Variants in UTS2R observed in about 807,000 individuals in gnomAD.
The protein encoded by UTS2R is urotensin 2 receptor.
For synonymous variants in UTS2R, 335 were observed against 280.9 expected (o/e 1.19, Z -1.93); for missense variants, 653 against 562.2 (o/e 1.16, Z -1.63).
Position 82,372,677 on chromosome 17 carries a change from C to T in UTS2R, c.-189C>T, listed in dbSNP as rs1269837322. Among the ~76,000 whole-genome samples, 2 of 152,340 alleles carry T rather than the reference C, an allele frequency of 1.3e-5. No individual in the cohort carries two copies. Among genetic ancestry groups the T allele is most frequent in the Middle Eastern group, 3.4e-3 (1 of 294 alleles). Reference sequence around the variant, plus strand: ...TGGCTTCATGTCACAGTTTGCCTGCCCCGTCCACTGGGGACATTTGAGCTG... The same window carrying T: ...TGGCTTCATGTCACAGTTTGCCTGCTCCGTCCACTGGGGACATTTGAGCTG... On this transcript the variant is annotated 5_prime_UTR_variant, in exon 2 of 3. Transcript: ENST00000313135.
rs1036259317 is a variant in UTS2R, at chr17:82,372,798, G to A, written c.-83+15G>A. 2.6e-5 allele frequency among the ~76,000 whole-genome samples: 4 copies of A among 152,214 alleles called. No individual in the cohort carries two copies. Among genetic ancestry groups the A allele is most frequent in the African/African-American group, 9.7e-5 (4 of 41,442 alleles). On this transcript the variant is annotated intron_variant, in intron 2 of 2. Transcript: ENST00000313135. ...CTTTATCTAAGGTACTAACCTGAGAGTAGAATTGCCGGGTGAGAAGGTATA... is the reference window on the plus strand; with the variant it reads ...CTTTATCTAAGGTACTAACCTGAGAATAGAATTGCCGGGTGAGAAGGTATA...
intron 1 of UTS2R, among the ~76,000 whole-genome samples, 27 bp from the exon 2 acceptor site, chr17:82,372,571 G>T (rs1165265634): frequency 6.6e-6 from 1 of 152,162 alleles, no homozygotes; most frequent in Non-Finnish European, 1.5e-5. Context: ...GTGGAATCAG[G>T]CAGCCTCCTG....
At chr17:82,373,059 G>C (rs1478248218) in intron 2 of UTS2R, among the ~76,000 whole-genome samples, 3 of 152,166 alleles carry the variant, frequency 2.0e-5, no homozygotes, top group African/African-American at 7.2e-5. Context: ...CCCGGTCACG[G>C]TTTTGGTCTC....
At chr17:82,374,026 G>T (rs1423640969) in intron 2 of UTS2R, among the ~76,000 whole-genome samples, 2 of 152,058 alleles carry the variant, frequency 1.3e-5, no homozygotes, top group Non-Finnish European at 2.9e-5. Context: ...TACAGTGAGG[G>T]GGGGGCAGGG....
intron 1 of UTS2R, among the ~76,000 whole-genome samples, chr17:82,372,312 G>A (rs544711069): frequency 6.6e-6 from 1 of 152,192 alleles, no homozygotes; most frequent in African/African-American, 2.4e-5. Context: ...GGAGCCCGGT[G>A]CACCCTCGGC....
rs368305257 is a variant in UTS2R at position 82,377,155 on chromosome 17, A to C, written c.*1661A>C. On this transcript the variant is annotated 3_prime_UTR_variant, in exon 3 of 3. Transcript: ENST00000313135. Reference sequence around the variant, plus strand: ...TTCTGCCTTGGGATCCTGTTGATCTATGACCTTACCCCCAACCCTGTGCTC... The same window carrying C: ...TTCTGCCTTGGGATCCTGTTGATCTCTGACCTTACCCCCAACCCTGTGCTC... Among the ~76,000 whole-genome samples the C allele has an allele frequency of 2.0e-5, 3 of 152,060 alleles. No homozygotes were observed. The highest frequency in any genetic ancestry group is 2.9e-5 in the Non-Finnish European group (2 of 68,018).
chr17:82,376,394 G>A lies in UTS2R; in HGVS notation c.*900G>A, dbSNP rs1325138726. Among the ~76,000 whole-genome samples, 7 of 60,314 alleles carry A rather than the reference G, an allele frequency of 1.2e-4. No individual in the cohort carries two copies. Among genetic ancestry groups the A allele is most frequent in the East Asian group, 3.9e-4 (1 of 2,540 alleles). The allele number at this position is 60,314 out of a possible 152,430, so 39.6% of individuals were successfully genotyped here. On this transcript the variant is annotated 3_prime_UTR_variant, in exon 3 of 3. Transcript: ENST00000313135. The stretch of plus-strand genomic sequence containing the variant: ...CCCCTCCAGCCCCCAGCCCGGCCCC[G>A]GACCCTGCATGGCCTCCCCCAGCCT...
Position 82,374,428 on chromosome 17 carries a change from C to T in UTS2R, c.104C>T (p.Ser35Phe). The part of the protein sequence containing the change: ...PGGPNATLNS[S>F]WASPTEPSSL... ...GGCCCCAACGCAACCCTCAACAGCTCCTGGGCCAGCCCGACCGAGCCCAGC... is the reference window on the plus strand; with the variant it reads ...GGCCCCAACGCAACCCTCAACAGCTTCTGGGCCAGCCCGACCGAGCCCAGC... The change falls in exon 3 of 3, where the codon TCC (serine) becomes TTC (phenylalanine). Residue 35 changes from serine to phenylalanine, a missense_variant. Ser to Phe is a radical substitution (Grantham distance 155, BLOSUM62 -2). Transcript: ENST00000313135. The T allele has an allele frequency of 6.3e-7, 1 of 1,599,028 alleles. No individual in the cohort carries two copies. Among genetic ancestry groups the T allele is most frequent in the Non-Finnish European group, 8.5e-7 (1 of 1,176,462 alleles).
Position 82,375,389 on chromosome 17 carries a change from G to A in UTS2R, c.1065G>A (p.Ser355=), listed in dbSNP as rs1454511632. The A allele has an allele frequency of 6.3e-6, 10 of 1,578,486 alleles. No homozygotes were observed. Among genetic ancestry groups the A allele is most frequent in the African/African-American group, 1.4e-5 (1 of 71,322 alleles). ...CCCGCGCCCGCTTCCAGCGCTGTTCGGGCCGCTCCCTGTCTTCCTGCAGCC... is the reference window on the plus strand; with the variant it reads ...CCCGCGCCCGCTTCCAGCGCTGTTCAGGCCGCTCCCTGTCTTCCTGCAGCC... ...LQPRARFQRC[S]GRSLSSCSPQ... The change falls in exon 3 of 3, where the codon TCG becomes TCA. Residue 355 remains serine (S), a synonymous_variant. Coordinates refer to ENST00000313135, the MANE Select transcript of UTS2R (RefSeq NM_018949.3).
At chr17:82,374,207 C>A (rs923133592) in intron 2 of UTS2R, 36 bp from the exon 3 acceptor site, 19 of 779,624 alleles carry the variant, frequency 2.4e-5, no homozygotes, top group Non-Finnish European at 3.4e-5. Flanking sequence ...CTCCTGGGAG[C>A]GGAAGGTGTT....
chr17:82,376,354 T>C lies in UTS2R; in HGVS notation c.*860T>C, dbSNP rs1474316527. ...GCTCCCAGCTTGGCCAACCATCCTC[T>C]CTCTGGCGACTGCCCCCCTCCAGCC... is the stretch of plus-strand genomic sequence containing the variant. On this transcript the variant is annotated 3_prime_UTR_variant, in exon 3 of 3. Transcript: ENST00000313135. 2.6e-5 allele frequency among the ~76,000 whole-genome samples: 4 copies of C among 152,088 alleles called. No individual in the cohort carries two copies. Among genetic ancestry groups the C allele is most frequent in the Non-Finnish European group, 5.9e-5 (4 of 68,002 alleles).
At chr17:82,372,074 C>A (rs1280774970) in intron 1 of UTS2R, among the ~76,000 whole-genome samples, 27 bp downstream of exon 1, 3 of 151,974 alleles carry the variant, frequency 2.0e-5, no homozygotes, top group African/African-American at 7.2e-5. Context: ...TGACCGGGAG[C>A]GCGCGGGGAC....
In UTS2R at chr17:82,374,297, G is replaced by C; in HGVS notation, c.-28G>C. On this transcript the variant is annotated 5_prime_UTR_variant, in exon 3 of 3. Coordinates refer to ENST00000313135, the MANE Select transcript of UTS2R (RefSeq NM_018949.3). ...CCCCATCTCAGGGAGTGTCCACCCA[G>C]CCCTGAGCCCGTCGTGAGGGGTCAG... 6.6e-7 allele frequency: 1 copy of C among 1,517,730 alleles called. No homozygotes were observed. Among genetic ancestry groups the C allele is most frequent in the Non-Finnish European group, 8.8e-7 (1 of 1,137,318 alleles). 94.0% of individuals were successfully genotyped at this position (1,517,730 alleles called of 1,614,324 possible).
chr17:82,375,218 C>A lies in UTS2R; in HGVS notation c.894C>A (p.Tyr298Ter). ...LAPRTARIVNYLTTCLTYGNS... is the reference protein window; with the variant it reads ...LAPRTARIVN ...CGCGGACGGCGCGCATCGTCAACTA[C>A]CTGACCACCTGCCTCACCTACGGCA... The change falls in exon 3 of 3, where the codon TAC becomes TAA. Residue 298 changes from tyrosine (Y) to a stop codon, truncating the protein, a stop_gained. Transcript: ENST00000313135. LOFTEE classifies it low-confidence loss of function (END_TRUNC). 6.3e-7 allele frequency: 1 copy of A among 1,577,430 alleles called. No homozygotes were observed. The highest frequency in any genetic ancestry group is 8.6e-7 in the Non-Finnish European group (1 of 1,163,374).
rs1194782704 is a variant in UTS2R, at chr17:82,373,950, C to T, written c.-82-293C>T. Among the ~76,000 whole-genome samples the T allele has an allele frequency of 2.0e-5, 3 of 152,272 alleles. No homozygotes were observed. The East Asian group carries it at 5.8e-4, about 29-fold the overall frequency. ...GTTCTGTCCACTGCCGACCTCTGCCCCAGGGGCTGCCCTCCTGTGTTCCGG... is the reference window on the plus strand; with the variant it reads ...GTTCTGTCCACTGCCGACCTCTGCCTCAGGGGCTGCCCTCCTGTGTTCCGG... On this transcript the variant is annotated intron_variant, in intron 2 of 2. Transcript: ENST00000313135.
Position 82,374,410 on chromosome 17 carries a change from A to G in UTS2R, c.86A>G (p.Asn29Ser), listed in dbSNP as rs770629614. ...GTGCCGGAGCCGCCTGGCGGCCCCA[A>G]CGCAACCCTCAACAGCTCCTGGGCC... ...SSVPEPPGGP[N>S]ATLNSSWASP... The change falls in exon 3 of 3, where the codon AAC becomes AGC. Residue 29 changes from asparagine (N) to serine (S), a missense_variant. Physicochemically the swap from Asn to Ser is conservative, Grantham distance 46. Transcript: ENST00000313135. The G allele has an allele frequency of 6.3e-6, 10 of 1,596,472 alleles. No homozygotes were observed. Among genetic ancestry groups the G allele is most frequent in the Admixed American group, 3.4e-5 (2 of 58,886 alleles).
In UTS2R at chr17:82,377,270, G is replaced by T. The variant is rs891052531; in HGVS notation, c.*1776G>T. Among the ~76,000 whole-genome samples, 3 of 152,160 alleles carry T rather than the reference G, an allele frequency of 2.0e-5. No individual in the cohort carries two copies. The highest frequency in any genetic ancestry group is 7.2e-5 in the African/African-American group (3 of 41,422). On this transcript the variant is annotated 3_prime_UTR_variant, in exon 3 of 3. Coordinates refer to ENST00000313135, the MANE Select transcript of UTS2R (RefSeq NM_018949.3). The stretch of plus-strand genomic sequence containing the variant: ...TTAAACAGATGCTTGAAGGCAGCAC[G>T]CTCGTTAGGAGTCATCACCACTCCC...
chr17:82,375,548 C>A lies in UTS2R; in HGVS notation c.*54C>A. 1.4e-6 allele frequency: 1 copy of A among 709,184 alleles called. No individual in the cohort carries two copies. Among genetic ancestry groups the A allele is most frequent in the Non-Finnish European group, 2.1e-6 (1 of 466,294 alleles). 43.9% of individuals were successfully genotyped at this position (709,184 alleles called of 1,614,324 possible). A position where few individuals can be genotyped will look rare whatever the true frequency, so the allele number is the denominator to read the frequency against. ...CGGGGACGCGCCCCAAAGCCCCAGC[C>A]ACTCCCGGGAGCCCCCCCAACTCCC... On this transcript the variant is annotated 3_prime_UTR_variant, in exon 3 of 3. Coordinates refer to ENST00000313135, the MANE Select transcript of UTS2R (RefSeq NM_018949.3).
Position 82,375,627 on chromosome 17 carries a change from T to C in UTS2R, c.*133T>C. 2 of 502,606 alleles carry C rather than the reference T, an allele frequency of 4.0e-6. No individual in the cohort carries two copies. Among genetic ancestry groups the C allele is most frequent in the Non-Finnish European group, 6.9e-6 (2 of 289,564 alleles). The allele number at this position is 502,606 out of a possible 1,614,324, so 31.1% of individuals were successfully genotyped here. A position where few individuals can be genotyped will look rare whatever the true frequency, so the allele number is the denominator to read the frequency against. On this transcript the variant is annotated 3_prime_UTR_variant, in exon 3 of 3. Transcript: ENST00000313135. ...CCCTTCTGGAAAGATCCTGCTCGCT[T>C]CCCCTCAGCGCCCTTCCCGTGATGC...
Sources: allele counts gnomAD v4.1 joint callset (sites outside exome capture counted in the v4.1 genomes callset), GRCh38; gene constraint gnomAD v4.1.1; transcripts MANE v1.5; gene names NCBI Gene and HGNC (gene_info 2026-07-23, HGNC 2026-07-21).